The following BIRC6 variants were observed in gnomAD, a reference collection of about 807,000 sequenced individuals.
BIRC6 encodes the protein baculoviral IAP repeat containing 6, also known as dual E2 ubiquitin-conjugating enzyme/E3 ubiquitin-protein ligase BIRC6.
In BIRC6, 98 loss-of-function variants were observed where a neutral mutation model predicts 503.3. That is an observed-to-expected ratio of 0.19 (90% CI 0.17 to 0.23). The LOEUF is 0.23. BIRC6 is among the 10% of genes least tolerant of loss of function. The pLI is 1.00. For synonymous variants in BIRC6, 2,240 were observed against 2,078.7 expected, an observed-to-expected ratio of 1.08 and a Z score of -2.11; for missense variants, 5,360 against 5,806.0, an observed-to-expected ratio of 0.92 and a Z score of 2.50.
chr2:32,482,483 T>G lies in BIRC6; in HGVS notation c.7597T>G (p.Tyr2533Asp). The change falls in exon 39 of 74, where the codon TAC becomes GAC. Residue 2533 changes from tyrosine to aspartate, a missense_variant. Tyr to Asp is a radical substitution (Grantham distance 160, BLOSUM62 -3). Around this residue, in one of 16 missense-constraint regions of BIRC6, gnomAD observed 2,299 missense variants for 2,267.2 expected, o/e 1.01. Transcript: ENST00000421745. ...GGGTGCTGATTATGGGACCTACAATTACAACCCTTACATTGGAGGTCTGGG... is the reference window on the plus strand; with the variant it reads ...GGGTGCTGATTATGGGACCTACAATGACAACCCTTACATTGGAGGTCTGGG... ...YWGADYGTYN[Y>D]NPYIGGLGIP... 2 of 1,613,862 alleles carry G rather than the reference T, an allele frequency of 1.2e-6. No individual in the cohort carries two copies. Among genetic ancestry groups the G allele is most frequent in the Non-Finnish European group, 1.7e-6 (2 of 1,179,760 alleles).
Position 32,549,362 on chromosome 2 carries a change from C to G in BIRC6, c.13025C>G (p.Ala4342Gly). Residue 4342 changes from alanine to glycine, a missense_variant, in exon 65 of 74, where the codon GCT (alanine) becomes GGT (glycine). Ala to Gly is a moderately conservative substitution (Grantham distance 60, BLOSUM62 0). Coordinates refer to ENST00000421745, the MANE Select transcript of BIRC6 (RefSeq NM_016252.4). The part of the protein sequence containing the change: ...NPVSSAVNGE[A>G]QSSHETRGQN... The stretch of plus-strand genomic sequence containing the variant: ...GTCAGTAGTGCGGTAAATGGAGAAG[C>G]TCAGTCATCTCATGAGACTAGAGGG... The G allele has an allele frequency of 6.7e-7, 1 of 1,499,584 alleles. No individual in the cohort carries two copies. Among genetic ancestry groups the G allele is most frequent in the Non-Finnish European group, 9.1e-7 (1 of 1,103,006 alleles). 92.9% of individuals were successfully genotyped at this position (1,499,584 alleles called of 1,614,324 possible).
chr2:32,449,002 T>TTA, intron 22 of BIRC6, 74 bp downstream of exon 22: 12 of 1,396,428 alleles, frequency 8.6e-6, no homozygotes, highest in Non-Finnish European at 1.2e-5. Context: ...ACTTAATAGA[T>TTA]TATAGTCATG....
rs1440745996 is a variant in BIRC6 at position 32,435,524 on chromosome 2, G to C, written c.3438G>C (p.Gly1146=). 6.4e-7 allele frequency: 1 copy of C among 1,554,394 alleles called. No individual in the cohort carries two copies. Among genetic ancestry groups the C allele is most frequent in the Non-Finnish European group, 8.7e-7 (1 of 1,148,012 alleles). The part of the protein sequence containing the change: ...NALNIEVEQN[G]KPSLVDLNEE... ...TTAACATTGAAGTGGAACAAAATGG[G>C]AAACCGTCCCTGGTTGATTTGAATG... The change falls in exon 14 of 74, where the codon GGG becomes GGC. Residue 1146 remains glycine, a synonymous_variant. Coordinates refer to ENST00000421745, the MANE Select transcript of BIRC6 (RefSeq NM_016252.4).
At chr2:32,464,467 G>C in intron 24 of BIRC6, 42 bp from the exon 25 acceptor site, 1 of 1,496,712 alleles carries the variant, frequency 6.7e-7, no homozygotes, top group Middle Eastern at 1.8e-4. Flanking sequence ...AATTTAGGTA[G>C]GCAGGATTAG....
intron 9 of BIRC6, among the ~76,000 whole-genome samples, chr2:32,413,672 G>C (rs2042128350): frequency 6.8e-6 from 1 of 147,762 alleles, no homozygotes; most frequent in Non-Finnish European, 1.5e-5. Flanking sequence ...TTCTGAGTAA[G>C]CTCATCTTAG....
intron 73 of BIRC6, among the ~76,000 whole-genome samples, chr2:32,612,028 A>G (rs1180792132): frequency 6.6e-6 from 1 of 152,106 alleles, no homozygotes; most frequent in Non-Finnish European, 1.5e-5. Flanking sequence ...GGTAGCTGCC[A>G]CAGTGCCCAG....
At chr2:32,445,311 C>G (rs939619986) in intron 20 of BIRC6, among the ~76,000 whole-genome samples, 1 of 152,208 alleles carries the variant, frequency 6.6e-6, no homozygotes, top group African/African-American at 2.4e-5. Context: ...TAGTGTAAGA[C>G]TGTGCCTCAG....
At chr2:32,517,949 CG>C (rs975679375) in intron 55 of BIRC6, among the ~76,000 whole-genome samples, 36 of 151,848 alleles carry the variant, frequency 2.4e-4, no homozygotes, top group African/African-American at 8.2e-4. Flanking sequence ...CTAAAGTTAA[CG>C]GGAGTTCGTT....
At chr2:32,523,626 A>G (rs1002014352) in intron 57 of BIRC6, 2 of 152,242 alleles carry the variant, frequency 1.3e-5, no homozygotes, top group Admixed American at 6.5e-5. Flanking sequence ...AAGAAGTTGT[A>G]TAAATTGAAA....
intron 10 of BIRC6, among the ~76,000 whole-genome samples, chr2:32,420,277 A>G (rs2042797537): frequency 6.6e-6 from 1 of 152,166 alleles, no homozygotes; most frequent in Non-Finnish European, 1.5e-5. Flanking sequence ...AAGTTTGTGT[A>G]TAATTGGTCT....
chr2:32,525,373 A>C, intron 58 of BIRC6, 91 bp from the exon 59 acceptor site: 125 of 1,266,094 alleles, frequency 9.9e-5, no homozygotes, highest in Non-Finnish European at 1.4e-4. Flanking sequence ...TTAGCTAGGA[A>C]TGCATGCCTT....
intron 4 of BIRC6, 94 bp from the exon 5 acceptor site, chr2:32,391,945 A>G: frequency 1.4e-5 from 11 of 800,776 alleles, no homozygotes; most frequent in Non-Finnish European, 2.1e-5. Context: ...GTTTTTGCTG[A>G]TAACCCAGTA....
chr2:32,547,643 G>C (rs916184167), intron 63 of BIRC6, among the ~76,000 whole-genome samples: 1 of 152,150 alleles, frequency 6.6e-6, no homozygotes, highest in Non-Finnish European at 1.5e-5. Context: ...CTGTAAACGT[G>C]TGTGTCTATT....
At position 32,539,659 on chromosome 2, in the gene BIRC6, A is replaced by G. The variant is rs191368040; in HGVS notation, c.12292-3582A>G. Among the ~76,000 whole-genome samples, 406 of 152,306 alleles carry G rather than the reference A, an allele frequency of 2.7e-3. 6 individuals are homozygous for G. The highest frequency in any genetic ancestry group is 9.5e-3 in the African/African-American group (397 of 41,578). On this transcript the variant is annotated intron_variant, in intron 61 of 73. Transcript: ENST00000421745. ...CCAACATGACATGGGATATAGCTAC[A>G]GCAGTCTATAGAGAGATTTTATAGC...
chr2:32,455,589 T>C (rs1281115121), intron 23 of BIRC6, among the ~76,000 whole-genome samples: 3 of 152,148 alleles, frequency 2.0e-5, no homozygotes, highest in African/African-American at 7.2e-5. Flanking sequence ...ATTGTGCCGC[T>C]GCACTCTAGC....
At position 32,593,989 on chromosome 2, in the gene BIRC6, T is replaced by G; in HGVS notation, c.13430T>G (p.Leu4477Trp). The change falls in exon 67 of 74, where the codon TTG becomes TGG. Residue 4477 changes from leucine (L) to tryptophan (W), a missense_variant. Coordinates refer to ENST00000421745, the MANE Select transcript of BIRC6 (RefSeq NM_016252.4). ...CAAGAACCAGAAGGACTTACTCTTT[T>G]GGTACCAGACATCCAAAAGACTGCT... is the stretch of plus-strand genomic sequence containing the variant. ...SDQEPEGLTL[L>W]VPDIQKTAEI... 1 of 1,613,762 alleles carries G rather than the reference T, an allele frequency of 6.2e-7. No homozygotes were observed. The highest frequency in any genetic ancestry group is 8.5e-7 in the Non-Finnish European group (1 of 1,179,740).
At chr2:32,508,495 G>A (rs956258842) in intron 51 of BIRC6, among the ~76,000 whole-genome samples, 1 of 151,770 alleles carries the variant, frequency 6.6e-6, no homozygotes, top group African/African-American at 2.4e-5. Flanking sequence ...GAGATGATCT[G>A]TATGCTACAT....
intron 1 of BIRC6, among the ~76,000 whole-genome samples, chr2:32,375,032 C>T (rs772681621): frequency 6.6e-6 from 1 of 151,966 alleles, no homozygotes; most frequent in Non-Finnish European, 1.5e-5. Context: ...GTGTAATCAG[C>T]CTTTTATACT....
chr2:32,463,179 C>G lies in BIRC6; in HGVS notation c.4754-15C>G, dbSNP rs1204080072. On this transcript the variant is annotated splice_polypyrimidine_tract_variant and intron_variant, in intron 23 of 73. Coordinates refer to ENST00000421745, the MANE Select transcript of BIRC6 (RefSeq NM_016252.4). ...GTGTTTTTTGTTTTTGTTTTTACCC[C>G]TTGTCTTATGCCAGTGAGTTCCTTC... 3 of 1,584,904 alleles carry G rather than the reference C, an allele frequency of 1.9e-6. No homozygotes were observed. The African/African-American group carries it at 4.1e-5, about 22-fold the overall frequency.
Sources: gnomAD v4.1 joint callset for allele counts (sites outside exome capture counted in the v4.1 genomes callset) on GRCh38, gnomAD v4.1.1 for gene constraint, gnomAD v4.1.1 regional missense constraint, MANE v1.5 for transcripts, NCBI Gene and HGNC (gene_info 2026-07-23, HGNC 2026-07-21) for gene names.